Variants in HBS1L observed in about 807,000 individuals in gnomAD.
HBS1L encodes the protein HBS1-like protein.
HBS1L carries 55 observed loss-of-function variants against 88.9 expected under a neutral mutation model. That is an observed-to-expected ratio of 0.62 (90% CI 0.50 to 0.77). The LOEUF is 0.77. Among genes scored for constraint, HBS1L ranks in the 30% least tolerant of loss-of-function variants. HBS1L has a pLI of 0.00. For synonymous variants in HBS1L, 267 were observed against 288.5 expected, an observed-to-expected ratio of 0.93 and a Z score of 0.76; for missense variants, 741 against 829.3, an observed-to-expected ratio of 0.89 and a Z score of 1.31.
chr6:135,035,436 T>C (rs1280556328), intron 4 of HBS1L, among the ~76,000 whole-genome samples: 2 of 147,420 alleles, frequency 1.4e-5, no homozygotes, highest in African/African-American at 5.1e-5. Context: ...AGAGACTCCA[T>C]CTTAAAAAAA....
chr6:134,999,186 C>T (rs1044149085), intron 5 of HBS1L, among the ~76,000 whole-genome samples: 1 of 152,110 alleles, frequency 6.6e-6, no homozygotes, highest in Non-Finnish European at 1.5e-5. Context: ...AGCTGCAAAA[C>T]ATTTTCTTCA....
At chr6:135,001,532 T>C (rs1033237506) in intron 5 of HBS1L, among the ~76,000 whole-genome samples, 1 of 152,026 alleles carries the variant, frequency 6.6e-6, no homozygotes, top group Non-Finnish European at 1.5e-5. Context: ...TAAATGGTAC[T>C]CAAGAATAAG....
At chr6:135,041,140 C>A (rs1776723196) in intron 3 of HBS1L, among the ~76,000 whole-genome samples, 1 of 111,510 alleles carries the variant, frequency 9.0e-6, no homozygotes, top group Admixed American at 8.8e-5. Flanking sequence ...TGGCAATACC[C>A]TTTCTTTAAA....
rs373468324 is a variant in HBS1L, at chr6:134,978,696, T to C, written c.1780A>G (p.Ile594Val). The change falls in exon 15 of 18, where the codon ATC becomes GTC. Residue 594 changes from isoleucine (I) to valine (V), a missense_variant. By Grantham distance (29) the Ile-to-Val change is conservative. Around this residue, in one of 3 missense-constraint regions of HBS1L, gnomAD observed 181 missense variants for 212.7 expected, o/e 0.85. Coordinates refer to ENST00000367837, the MANE Select transcript of HBS1L (RefSeq NM_006620.4). ...RILIFNIEIP[I>V]TKGFPVLLHY... ...GAACTTACAGGAAATCCTTTAGTGA[T>C]AGGAATTTCAATATTAAAGATGAGG... The C allele has an allele frequency of 7.6e-6, 12 of 1,582,580 alleles. No individual in the cohort carries two copies. Among genetic ancestry groups the C allele is most frequent in the Admixed American group, 1.7e-5 (1 of 58,154 alleles).
chr6:134,973,428 A>G (rs1774549671), intron 15 of HBS1L, among the ~76,000 whole-genome samples: 1 of 152,248 alleles, frequency 6.6e-6, no homozygotes, highest in Non-Finnish European at 1.5e-5. Flanking sequence ...AAGAATGGTT[A>G]TCAGGGGATA....
chr6:134,974,610 CA>C (rs537743184), intron 15 of HBS1L, among the ~76,000 whole-genome samples: 92 of 150,510 alleles, frequency 6.1e-4, no homozygotes, highest in African/African-American at 2.1e-3. Flanking sequence ...TCAGCATATG[CA>C]AGTCAATAAA....
intron 7 of HBS1L, among the ~76,000 whole-genome samples, 183 bp downstream of exon 7, chr6:134,996,594 A>G (rs1775294158): frequency 6.6e-6 from 1 of 152,190 alleles, no homozygotes; most frequent in African/African-American, 2.4e-5. Flanking sequence ...TAAAATTCAG[A>G]AGAGTAAAAA....
At chr6:135,043,536 C>T (rs1232567933) in intron 2 of HBS1L, among the ~76,000 whole-genome samples, 1 of 152,158 alleles carries the variant, frequency 6.6e-6, no homozygotes, top group Non-Finnish European at 1.5e-5. Context: ...TAAAGCATAA[C>T]CACTCTCTAT....
Position 134,997,456 on chromosome 6 carries a change from A to G in HBS1L, c.740T>C (p.Val247Ala). Residue 247 changes from valine to alanine, a missense_variant, in exon 6 of 18, where the codon GTG becomes GCG. This residue lies in a region of HBS1L where 556 missense variants were observed against 598.4 expected (regional missense o/e 0.93). Transcript: ENST00000367837. ...TTGCCGCTTCTCCAGTTCCGCCTTCACATCTATTTGCTGCCTCAGCTTGCC... is the reference window on the plus strand; with the variant it reads ...TTGCCGCTTCTCCAGTTCCGCCTTCGCATCTATTTGCTGCCTCAGCTTGCC... ...KSGKLRQQID[V>A]KAELEKRQGG... is the part of the protein sequence containing the mutation. 6.2e-7 allele frequency: 1 copy of G among 1,614,010 alleles called. No homozygotes were observed. Among genetic ancestry groups the G allele is most frequent in the South Asian group, 1.1e-5 (1 of 91,072 alleles).
At chr6:135,036,981 A>G (rs1776573661) in intron 4 of HBS1L, 3 of 1,551,470 alleles carry the variant, frequency 1.9e-6, no homozygotes, top group Non-Finnish European at 2.6e-6. Flanking sequence ...TAAGGACACT[A>G]AGATCAATAT....
intron 2 of HBS1L, among the ~76,000 whole-genome samples, chr6:135,047,368 T>G (rs11961874): frequency 0.011 from 1,621 of 152,346 alleles, 25 homozygotes; most frequent in African/African-American, 0.037. Context: ...CAAAGCCATA[T>G]TCAACCAACT....
chr6:134,978,151 T>C (rs1265628767), intron 15 of HBS1L, among the ~76,000 whole-genome samples: 1 of 152,032 alleles, frequency 6.6e-6, no homozygotes, highest in African/African-American at 2.4e-5. Context: ...GGGTGGATAA[T>C]ATGCTCACAT....
chr6:135,026,871 C>T (rs1235743781), intron 4 of HBS1L: 1 of 113,824 alleles, frequency 8.8e-6, no homozygotes, highest in Admixed American at 8.9e-5. Flanking sequence ...AGCCTATTGC[C>T]AATCCAAAAA....
chr6:135,039,857 G>C, intron 3 of HBS1L, 90 bp from the exon 4 acceptor site: 1 of 1,110,852 alleles, frequency 9.0e-7, no homozygotes, highest in South Asian at 1.7e-5. Context: ...ATTTACAGCT[G>C]TACTAGAATA....
intron 16 of HBS1L, among the ~76,000 whole-genome samples, chr6:134,966,894 C>T (rs1462477517): frequency 6.8e-6 from 1 of 147,390 alleles, no homozygotes; most frequent in Non-Finnish European, 1.5e-5. Context: ...TGCCCTATGT[C>T]TTTCCTAGTA....
At chr6:134,986,999 G>T (rs986211021) in intron 9 of HBS1L, among the ~76,000 whole-genome samples, 189 bp from the exon 10 acceptor site, 1 of 151,994 alleles carries the variant, frequency 6.6e-6, no homozygotes, top group South Asian at 2.1e-4. Flanking sequence ...AATGCTCAAA[G>T]GCATTTTAAT....
rs1440803732 is a variant in HBS1L, at chr6:134,962,812, T to C, written c.*2467A>G. 1 of 152,204 alleles carries C rather than the reference T, an allele frequency of 6.6e-6. No individual in the cohort carries two copies. Among genetic ancestry groups the C allele is most frequent in the Non-Finnish European group, 1.5e-5 (1 of 68,020 alleles). 9.4% of individuals were successfully genotyped at this position (152,204 alleles called of 1,614,324 possible). On this transcript the variant is annotated 3_prime_UTR_variant, in exon 18 of 18. Transcript: ENST00000367837. ...TAAATTATGGATGAAAGTAACAGGG[T>C]AGGAAATCAGAGCATAACCAAGCTT...
At chr6:135,026,688 T>C (rs925425355) in intron 4 of HBS1L, among the ~76,000 whole-genome samples, 1 of 152,098 alleles carries the variant, frequency 6.6e-6, no homozygotes, top group African/African-American at 2.4e-5. Context: ...ATGATATTAA[T>C]GCTAAACTGA....
At chr6:135,026,946 C>T (rs966645882) in intron 4 of HBS1L, 14 of 150,718 alleles carry the variant, frequency 9.3e-5, no homozygotes, top group South Asian at 2.1e-4. Context: ...AATCCTAGCA[C>T]TTTGGGAGGC....
Sources: allele counts gnomAD v4.1 joint callset (sites outside exome capture counted in the v4.1 genomes callset), GRCh38; gene constraint gnomAD v4.1.1; regional missense constraint gnomAD v4.1.1; transcripts MANE v1.5; gene names NCBI Gene and HGNC (gene_info 2026-07-23, HGNC 2026-07-21).